PGM1: variants seen among roughly 807,000 people sequenced by gnomAD.
The protein encoded by PGM1 is phosphoglucomutase-1.
PGM1 carries 52 observed loss-of-function variants against 55.6 expected under a neutral mutation model. The observed-to-expected ratio is 0.94, with a 90% CI of 0.75 to 1.18. PGM1 has a LOEUF of 1.18. PGM1 is among the 50% of genes most tolerant of loss of function. The pLI is 0.00. For missense variants in PGM1, 724 were observed against 729.3 expected (o/e 0.99, Z 0.08); for synonymous variants, 287 against 271.7 (o/e 1.06, Z -0.55).
At chr1:63,606,927 C>A (rs1648435732) in intron 1 of PGM1, among the ~76,000 whole-genome samples, 1 of 152,168 alleles carries the variant, frequency 6.6e-6, no homozygotes, top group Non-Finnish European at 1.5e-5. Context: ...GGAACCAAGG[C>A]ACAAACATTG....
At chr1:63,647,304 A>ATATATATATATATG (rs1649682983) in intron 7 of PGM1, among the ~76,000 whole-genome samples, 1 of 116,632 alleles carries the variant, frequency 8.6e-6, no homozygotes, top group African/African-American at 3.1e-5. Context: ...ATATATATAT[A>ATATATATATATATG]TATAGTATTA....
intron 4 of PGM1, among the ~76,000 whole-genome samples, chr1:63,633,381 T>C (rs548937915): frequency 6.6e-6 from 1 of 152,188 alleles, no homozygotes; most frequent in Non-Finnish European, 1.5e-5. Flanking sequence ...CCAGGTCTTT[T>C]GGCTGTTCCT....
rs764003137 is a variant in PGM1 at position 63,629,929 on chromosome 1, G to C, written c.410-13G>C. On this transcript the variant is annotated splice_polypyrimidine_tract_variant and intron_variant, in intron 2 of 10. Coordinates refer to ENST00000371084, the MANE Select transcript of PGM1 (RefSeq NM_002633.3). ...TGCACGAAGTAACCCACTGTTTGCTGTTTGGTTTCCAGGTCCTGCTCCAGA... is the reference window on the plus strand; with the variant it reads ...TGCACGAAGTAACCCACTGTTTGCTCTTTGGTTTCCAGGTCCTGCTCCAGA... The C allele has an allele frequency of 3.7e-6, 6 of 1,613,834 alleles. No homozygotes were observed. The African/African-American group carries it at 8.0e-5, about 22-fold the overall frequency.
At chr1:63,633,914 GTGTGTATATA>G (rs1356528872) in intron 4 of PGM1, among the ~76,000 whole-genome samples, 2 of 34,356 alleles carry the variant, frequency 5.8e-5, no homozygotes, top group South Asian at 1.0e-3. Context: ...GTGTGTGTGT[GTGTGTATATA>G]TATATATATT....
At chr1:63,650,378 G>C (rs1261017230) in intron 8 of PGM1, among the ~76,000 whole-genome samples, 1 of 152,128 alleles carries the variant, frequency 6.6e-6, no homozygotes, top group Non-Finnish European at 1.5e-5. Context: ...CTGTGCCTAG[G>C]GTTTAGAAAA....
At chr1:63,603,760 A>G (rs548371691) in intron 1 of PGM1, among the ~76,000 whole-genome samples, 2 of 152,352 alleles carry the variant, frequency 1.3e-5, no homozygotes, top group East Asian at 3.9e-4. Flanking sequence ...GTATGTCTTT[A>G]AATAGCAGAA....
intron 1 of PGM1, among the ~76,000 whole-genome samples, chr1:63,613,834 A>T (rs539842290): frequency 4.1e-4 from 62 of 151,884 alleles, no homozygotes; most frequent in Middle Eastern, 3.4e-3. Context: ...CTTGGGCAGT[A>T]GCCCTTTGGG....
chr1:63,643,458 C>G (rs1249643019), intron 7 of PGM1, among the ~76,000 whole-genome samples: 1 of 152,190 alleles, frequency 6.6e-6, no homozygotes, highest in Non-Finnish European at 1.5e-5. Flanking sequence ...GAAAGGAAAC[C>G]AAGTTCCAGG....
At chr1:63,658,263 T>C (rs963118868) in intron 10 of PGM1, among the ~76,000 whole-genome samples, 1 of 152,150 alleles carries the variant, frequency 6.6e-6, no homozygotes, top group Non-Finnish European at 1.5e-5. Context: ...GGCTCTGCTA[T>C]TGAGTCATTT....
At chr1:63,653,643 A>C (rs531502486) in intron 9 of PGM1, among the ~76,000 whole-genome samples, 2 of 152,262 alleles carry the variant, frequency 1.3e-5, no homozygotes, top group East Asian at 3.9e-4. Flanking sequence ...CAGAGTTCCC[A>C]CACATTTTTC....
chr1:63,646,169 A>G (rs1649639977), intron 7 of PGM1, among the ~76,000 whole-genome samples: 1 of 152,210 alleles, frequency 6.6e-6, no homozygotes, highest in East Asian at 1.9e-4. Flanking sequence ...TAGATACTCT[A>G]ACAATTCCAA....
intron 10 of PGM1, among the ~76,000 whole-genome samples, chr1:63,658,397 CTT>C (rs34314608): frequency 0.29 from 38,993 of 134,910 alleles, 5,083 homozygotes; most frequent in African/African-American, 0.39. Flanking sequence ...AGAATTCTCT[CTT>C]TTTTTTTTTT....
At chr1:63,646,234 T>C (rs1193679753) in intron 7 of PGM1, among the ~76,000 whole-genome samples, 1 of 152,116 alleles carries the variant, frequency 6.6e-6, no homozygotes, top group Non-Finnish European at 1.5e-5. Flanking sequence ...GAATTCAACA[T>C]AGGATAATGT....
At chr1:63,618,565 T>G (rs886651476) in intron 1 of PGM1, among the ~76,000 whole-genome samples, 26 of 152,230 alleles carry the variant, frequency 1.7e-4, no homozygotes, top group Admixed American at 3.3e-4. Flanking sequence ...ACTATGTTCA[T>G]TTTATTATTT....
chr1:63,629,663 C>T, intron 2 of PGM1, 76 bp downstream of exon 2: 3 of 1,459,762 alleles, frequency 2.1e-6, no homozygotes, highest in Non-Finnish European at 2.9e-6. Flanking sequence ...CCTTGGGAGA[C>T]CAGGGTTTTG....
intron 1 of PGM1, among the ~76,000 whole-genome samples, chr1:63,613,203 A>G (rs535797618): frequency 5.4e-5 from 8 of 147,728 alleles, no homozygotes; most frequent in African/African-American, 2.0e-4. Flanking sequence ...GGAATAGTCT[A>G]CCCAGACTGC....
intron 1 of PGM1, among the ~76,000 whole-genome samples, chr1:63,604,221 G>C (rs926268980): frequency 6.6e-6 from 1 of 152,190 alleles, no homozygotes. Flanking sequence ...CGATTTTATA[G>C]GTTCAATCAG....
intron 10 of PGM1, among the ~76,000 whole-genome samples, 177 bp from the exon 11 acceptor site, chr1:63,659,409 T>G (rs1253913977): frequency 6.6e-6 from 1 of 152,204 alleles, no homozygotes; most frequent in African/African-American, 2.4e-5. Flanking sequence ...GTTGATCCAC[T>G]GAAATAGAAA....
chr1:63,633,906 GTGTGTGTGTGTGTATATATA>G (rs1295003400), intron 4 of PGM1, among the ~76,000 whole-genome samples: 3 of 35,356 alleles, frequency 8.5e-5, no homozygotes, highest in African/African-American at 4.7e-4. Context: ...GTGTGTGTGT[GTGTGTGTGTGTGTATATATA>G]TATATATTTT....
Sources: gnomAD v4.1 joint callset for allele counts (sites outside exome capture counted in the v4.1 genomes callset) on GRCh38, gnomAD v4.1.1 for gene constraint, MANE v1.5 for transcripts, NCBI Gene and HGNC (gene_info 2026-07-23, HGNC 2026-07-21) for gene names.